The following DPP10 variants were observed in gnomAD, a reference collection of about 807,000 sequenced individuals.
DPP10 encodes dipeptidyl peptidase like 10, also known as inactive dipeptidyl peptidase 10.
DPP10 carries 33 observed loss-of-function variants against 120.9 expected under a neutral mutation model. The observed-to-expected ratio is 0.27, with a 90% CI of 0.21 to 0.37. The LOEUF (loss-of-function observed/expected upper bound fraction) is 0.37. Ranked by LOEUF, DPP10 falls within the 10% of genes least tolerant of loss-of-function variation. DPP10 has a pLI of 1.00. For synonymous variants in DPP10, 337 were observed against 326.1 expected, an observed-to-expected ratio of 1.03 and a Z score of -0.36; for missense variants, 816 against 942.8, an observed-to-expected ratio of 0.87 and a Z score of 1.76.
rs528552255 is a variant in DPP10, at chr2:115,492,114, T to G, written c.272-7396T>G. Among the ~76,000 whole-genome samples the G allele has an allele frequency of 6.6e-5, 10 of 152,240 alleles. No individual in the cohort carries two copies. In the South Asian group the frequency reaches 2.1e-3, roughly 32 times the overall value. On this transcript the variant is annotated intron_variant, in intron 3 of 25. Coordinates refer to ENST00000410059, the MANE Select transcript of DPP10 (RefSeq NM_020868.6). The stretch of plus-strand genomic sequence containing the variant: ...ACATATATATATATGATCGATGTGG[T>G]CAAAAACTTAGAGGAAACAAAAATA...
At chr2:115,155,616 A>T (rs1001637888) in intron 1 of DPP10, among the ~76,000 whole-genome samples, 16 of 152,254 alleles carry the variant, frequency 1.1e-4, no homozygotes, top group African/African-American at 3.4e-4. Flanking sequence ...AAGTGTAACA[A>T]ATGATAAAAT....
chr2:114,981,399 A>C (rs146643559), intron 1 of DPP10, among the ~76,000 whole-genome samples: 2 of 152,252 alleles, frequency 1.3e-5, no homozygotes, highest in Admixed American at 1.3e-4. Flanking sequence ...GCAAGTTGAA[A>C]AAACAAAATC....
intron 1 of DPP10, among the ~76,000 whole-genome samples, chr2:115,081,698 G>T (rs559438537): frequency 1.3e-5 from 2 of 149,568 alleles, no homozygotes; most frequent in South Asian, 4.2e-4. Flanking sequence ...TATTCTTTTT[G>T]AAAAAAAAAA....
intron 5 of DPP10, among the ~76,000 whole-genome samples, chr2:115,633,039 T>G (rs2086012542): frequency 6.6e-6 from 1 of 152,222 alleles, no homozygotes; most frequent in Admixed American, 6.5e-5. Flanking sequence ...CTCAAGGATC[T>G]AGAACTAGAA....
intron 1 of DPP10, among the ~76,000 whole-genome samples, chr2:115,128,727 T>C (rs1301559439): frequency 6.6e-6 from 1 of 152,224 alleles, no homozygotes; most frequent in Non-Finnish European, 1.5e-5. Flanking sequence ...ATTTTGTCCA[T>C]ATTTTCTAGT....
At chr2:115,023,500 G>A (rs1385496448) in intron 1 of DPP10, among the ~76,000 whole-genome samples, 1 of 152,060 alleles carries the variant, frequency 6.6e-6, no homozygotes, top group Non-Finnish European at 1.5e-5. Flanking sequence ...AATAATAGAT[G>A]TTGTTGTGGA....
rs535339610 is a variant in DPP10 at position 114,812,354 on chromosome 2, C to T, written c.60+369516C>T. Among the ~76,000 whole-genome samples the T allele has an allele frequency of 1.2e-4, 18 of 152,174 alleles. No homozygotes were observed. The Middle Eastern group carries it at 0.01, about 87-fold the overall frequency. ...CGGTGACTCATGCCTGTAAGCCCAG[C>T]GCTTTGGGAGGCCAAAGTGGAAGGA... On this transcript the variant is annotated intron_variant, in intron 1 of 25. Transcript: ENST00000410059.
At chr2:114,748,242 C>A (rs1381054911) in intron 1 of DPP10, among the ~76,000 whole-genome samples, 4 of 150,246 alleles carry the variant, frequency 2.7e-5, no homozygotes, top group Non-Finnish European at 3.0e-5. Context: ...GTGTAGGGAG[C>A]AGAAACTGCT....
At chr2:115,052,706 C>T (rs1033525550) in intron 1 of DPP10, among the ~76,000 whole-genome samples, 3 of 152,120 alleles carry the variant, frequency 2.0e-5, no homozygotes, top group African/African-American at 7.2e-5. Context: ...AATCCTAGCA[C>T]TTTGGGATGC....
In DPP10 at chr2:114,959,392, A is replaced by C. The variant is rs1698448035; in HGVS notation, c.61-349847A>C. 2.0e-5 allele frequency among the ~76,000 whole-genome samples: 3 copies of C among 152,154 alleles called. No homozygotes were observed. The South Asian group carries it at 6.2e-4, about 32-fold the overall frequency. On this transcript the variant is annotated intron_variant, in intron 1 of 25. Coordinates refer to ENST00000410059, the MANE Select transcript of DPP10 (RefSeq NM_020868.6). ...ATATTTCCAGGTTCATCCATGTAGC[A>C]TGTGTCAATACTCTGGTCTTTTTGT...
At chr2:114,728,778 C>T (rs1676602283) in intron 1 of DPP10, among the ~76,000 whole-genome samples, 1 of 152,114 alleles carries the variant, frequency 6.6e-6, no homozygotes, top group Non-Finnish European at 1.5e-5. Flanking sequence ...TGTCTCATTC[C>T]GTATAGTTGG....
chr2:115,423,625 A>G (rs1010311152), intron 3 of DPP10, among the ~76,000 whole-genome samples: 1 of 152,132 alleles, frequency 6.6e-6, no homozygotes, highest in African/African-American at 2.4e-5. Context: ...TCCTAAAATG[A>G]GTTAAGAAAA....
intron 1 of DPP10, among the ~76,000 whole-genome samples, chr2:114,479,826 A>G (rs895744215): frequency 2.6e-5 from 4 of 152,276 alleles, no homozygotes; most frequent in South Asian, 4.1e-4. Flanking sequence ...TGTCTAAAAC[A>G]CCAAAAGCAA....
In DPP10 at chr2:115,271,063, A is replaced by G. The variant is rs115867246; in HGVS notation, c.61-38176A>G. On this transcript the variant is annotated intron_variant, in intron 1 of 25. Transcript: ENST00000410059. Reference sequence around the variant, plus strand: ...GAAAACTACTCAAGCTCTTTCCACCACATAATAGCACTTTCAGATATTGTT... The same window carrying G: ...GAAAACTACTCAAGCTCTTTCCACCGCATAATAGCACTTTCAGATATTGTT... 1.5e-3 allele frequency among the ~76,000 whole-genome samples: 230 copies of G among 152,306 alleles called. 2 individuals are homozygous for G. The highest frequency in any genetic ancestry group is 5.4e-3 in the African/African-American group (224 of 41,578).
chr2:115,460,117 G>A (rs2073901129), intron 3 of DPP10, among the ~76,000 whole-genome samples: 1 of 151,804 alleles, frequency 6.6e-6, no homozygotes, highest in Non-Finnish European at 1.5e-5. Context: ...GTATTCATTT[G>A]AATATTCAGT....
intron 1 of DPP10, among the ~76,000 whole-genome samples, chr2:115,091,873 T>C (rs1300816903): frequency 6.6e-6 from 1 of 152,158 alleles, no homozygotes; most frequent in East Asian, 1.9e-4. Context: ...TTGTTAGAAA[T>C]GTAAGCTGAA....
chr2:115,362,248 G>T (rs2064826906), intron 3 of DPP10, among the ~76,000 whole-genome samples: 1 of 152,144 alleles, frequency 6.6e-6, no homozygotes, highest in African/African-American at 2.4e-5. Context: ...TCATTAAATG[G>T]CTAAGATTCT....
chr2:114,907,496 T>C (rs374555074), intron 1 of DPP10, among the ~76,000 whole-genome samples: 2 of 152,262 alleles, frequency 1.3e-5, no homozygotes, highest in African/African-American at 2.4e-5. Flanking sequence ...GTATGTTGTG[T>C]CTTTATTTGC....
chr2:115,482,303 T>G (rs2075486473), intron 3 of DPP10, among the ~76,000 whole-genome samples: 2 of 111,162 alleles, frequency 1.8e-5, no homozygotes, highest in African/African-American at 5.7e-5. Flanking sequence ...TATATATATC[T>G]GCATACATAG....
Sources: gnomAD v4.1 joint callset for allele counts (sites outside exome capture counted in the v4.1 genomes callset) on GRCh38, gnomAD v4.1.1 for gene constraint, MANE v1.5 for transcripts, NCBI Gene and HGNC (gene_info 2026-07-23, HGNC 2026-07-21) for gene names.